Variants in TSFM observed in about 807,000 individuals in gnomAD.
TSFM encodes the protein elongation factor Ts, mitochondrial.
A neutral mutation model predicts 33.4 loss-of-function variants in TSFM; 29 were observed. The observed-to-expected ratio is 0.87, with a 90% confidence interval of 0.65 to 1.18. TSFM has a LOEUF of 1.18. Ranked by LOEUF, TSFM falls within the 50% of genes most tolerant of loss-of-function variation. The probability of loss-of-function intolerance (pLI) is 0.00; values close to 1 mark genes in which losing one functional copy is unlikely to be tolerated. For synonymous variants in TSFM, 178 were observed against 163.5 expected (o/e 1.09, Z -0.68); for missense variants, 394 against 395.6 (o/e 1.00, Z 0.04).
At chr12:57,787,207 A>T in intron 4 of TSFM, 45 bp downstream of exon 4, 1 of 1,533,050 alleles carries the variant, frequency 6.5e-7, no homozygotes, top group Non-Finnish European at 8.8e-7. Context: ...TGCTGTCCTC[A>T]TTGGGTCTTT....
intron 2 of TSFM, among the ~76,000 whole-genome samples, chr12:57,785,076 G>A (rs956033584): frequency 8.6e-5 from 13 of 151,084 alleles, no homozygotes; most frequent in Admixed American, 5.3e-4. Flanking sequence ...ACAGGCGCCC[G>A]CCACCACGCC....
At chr12:57,783,015 C>T in intron 1 of TSFM, 95 bp from the exon 2 acceptor site, 2 of 1,509,906 alleles carry the variant, frequency 1.3e-6, no homozygotes, top group Non-Finnish European at 1.8e-6. Context: ...CCTTTGCACA[C>T]TGTCCGCTCC....
At chr12:57,792,424 G>A (rs1003462934) in intron 4 of TSFM, among the ~76,000 whole-genome samples, 3 of 152,150 alleles carry the variant, frequency 2.0e-5, no homozygotes, top group African/African-American at 4.8e-5. Context: ...TGATTTCTAG[G>A]AAATTACATT....
chr12:57,791,300 G>A (rs11172341), intron 4 of TSFM, among the ~76,000 whole-genome samples: 2,252 of 152,194 alleles, frequency 0.015, 57 homozygotes, highest in African/African-American at 0.051. Context: ...GTGGGCCACC[G>A]CGCCCGGCCG....
rs1187807649 is a variant in TSFM, at chr12:57,796,934, T to C, written c.*351T>C. The C allele has an allele frequency of 1.0e-6, 1 of 993,944 alleles. No homozygotes were observed. Among genetic ancestry groups the C allele is most frequent in the African/African-American group, 1.7e-5 (1 of 57,596 alleles). The allele number at this position is 993,944 out of a possible 1,614,324, so 61.6% of individuals were successfully genotyped here. ...TAGAACTCTTTTGTTCTGTTTTTGCTTTGCGACACTGTGAACCGTGCTTCT... is the reference window on the plus strand; with the variant it reads ...TAGAACTCTTTTGTTCTGTTTTTGCCTTGCGACACTGTGAACCGTGCTTCT... On this transcript the variant is annotated 3_prime_UTR_variant, in exon 6 of 6. Transcript: ENST00000652027.
At chr12:57,800,050 A>AG, downstream of TSFM, 6 of 1,235,412 alleles carry the variant, frequency 4.9e-6, no homozygotes, top group Non-Finnish European at 6.7e-6. Context: ...CTTTGATAAC[A>AG]ATGCTCCCCA....
chr12:57,783,126 G>T lies in TSFM; in HGVS notation c.74G>T (p.Arg25Leu), dbSNP rs1432500045. ...CTCATCTAGGCTGGGTCTCTTCTGCGTCAGTCGCCCCAGCCAAGGCACACA... is the reference window on the plus strand; with the variant it reads ...CTCATCTAGGCTGGGTCTCTTCTGCTTCAGTCGCCCCAGCCAAGGCACACA... ...TGSYPAGSLL[R>L]QSPQPRHTFY... Residue 25 changes from arginine (R) to leucine (L), a missense_variant, in exon 2 of 6, where the codon CGT (arginine) becomes CTT (leucine). Arg to Leu is a moderately radical substitution (Grantham distance 102, BLOSUM62 -2). Around this residue, in one of 3 missense-constraint regions of TSFM, gnomAD observed 208 missense variants for 180.4 expected, o/e 1.15. Coordinates refer to ENST00000652027, the MANE Select transcript of TSFM (RefSeq NM_005726.6). 6.2e-7 allele frequency: 1 copy of T among 1,610,714 alleles called. No homozygotes were observed.
rs1382330606 is a variant in TSFM, at chr12:57,783,296, A to T, written c.231+13A>T. ...GGACCTCAAACAGGTGTGTGTGTGG[A>T]GGGGTGCAGGGCGGAGTACTAGAGC... is the stretch of plus-strand genomic sequence containing the variant. On this transcript the variant is annotated intron_variant, in intron 2 of 5. Transcript: ENST00000652027. 1 of 1,613,190 alleles carries T rather than the reference A, an allele frequency of 6.2e-7. No individual in the cohort carries two copies. Among genetic ancestry groups the T allele is most frequent in the Non-Finnish European group, 8.5e-7 (1 of 1,179,828 alleles).
rs772810012 is a variant in TSFM, at chr12:57,796,202, T to TA, written c.600dup (p.Arg201ThrfsTer41). 8 of 1,583,466 alleles carry TA rather than the reference T, an allele frequency of 5.1e-6. No homozygotes were observed. The highest frequency in any genetic ancestry group is 1.4e-5 in the African/African-American group (1 of 73,484). On this transcript the variant is annotated frameshift_variant, in exon 6 of 6. Transcript: ENST00000652027. LOFTEE classifies it high-confidence loss of function. ...GAAAACTGGGAGAAAACATGATTCT[T>TA]AAACGAGCTGCATGGGTGAAGGTGC...
chr12:57,788,748 C>T (rs1014588267), intron 4 of TSFM, among the ~76,000 whole-genome samples: 9 of 152,274 alleles, frequency 5.9e-5, no homozygotes, highest in African/African-American at 2.2e-4. Flanking sequence ...GATCTTCCCA[C>T]CTCAGACTCC....
Position 57,786,271 on chromosome 12 carries a change from A to G in TSFM, c.340A>G (p.Asn114Asp), listed in dbSNP as rs1267278017. Residue 114 changes from asparagine to aspartate, a missense_variant, in exon 3 of 6, where the codon AAC becomes GAC. This residue lies in a region of TSFM where 208 missense variants were observed against 180.4 expected (regional missense o/e 1.15). Coordinates refer to ENST00000652027, the MANE Select transcript of TSFM (RefSeq NM_005726.6). ...EGLIGLLQEG[N>D]TTVLVEVNCE... is the part of the protein sequence containing the mutation. ...CCTGATTGGGCTGTTGCAGGAAGGAAACACAACTGTATTAGTAGAGGTGAG... is the reference window on the plus strand; with the variant it reads ...CCTGATTGGGCTGTTGCAGGAAGGAGACACAACTGTATTAGTAGAGGTGAG... 3 of 1,612,172 alleles carry G rather than the reference A, an allele frequency of 1.9e-6. No individual in the cohort carries two copies. The highest frequency in any genetic ancestry group is 1.3e-5 in the African/African-American group (1 of 74,934).
downstream of TSFM, chr12:57,799,865 T>C (rs1482519668): frequency 6.2e-7 from 1 of 1,613,966 alleles, no homozygotes; most frequent in East Asian, 2.2e-5. Context: ...TGCTATAGGG[T>C]AATATTTTGG....
At position 57,796,379 on chromosome 12, in the gene TSFM, G is replaced by C. The variant is rs1955739271; in HGVS notation, c.774G>C (p.Gln258His). 6.9e-6 allele frequency: 11 copies of C among 1,602,636 alleles called. No individual in the cohort carries two copies. Among genetic ancestry groups the C allele is most frequent in the Non-Finnish European group, 6.8e-6 (8 of 1,174,440 alleles). Reference sequence around the variant, plus strand: ...AAGACGTTGGCCGCCGCCTTGGGCAGCATGTGGTGGGCATGGCCCCCCTCT... The same window carrying C: ...AAGACGTTGGCCGCCGCCTTGGGCACCATGTGGTGGGCATGGCCCCCCTCT... Reference protein sequence around the residue: ...NLEDVGRRLGQHVVGMAPLSV... With the variant: ...NLEDVGRRLGHHVVGMAPLSV... The change falls in exon 6 of 6, where the codon CAG (glutamine) becomes CAC (histidine). Residue 258 changes from glutamine (Q) to histidine (H), a missense_variant. Around this residue, in one of 3 missense-constraint regions of TSFM, gnomAD observed 186 missense variants for 198.8 expected, o/e 0.94. Coordinates refer to ENST00000652027, the MANE Select transcript of TSFM (RefSeq NM_005726.6).
At chr12:57,802,772 T>C, downstream of TSFM, 1 of 588,550 alleles carries the variant, frequency 1.7e-6, no homozygotes, top group Middle Eastern at 2.8e-4. Flanking sequence ...AAACCCCCCA[T>C]ATCCAATGAG....
intron 5 of TSFM, among the ~76,000 whole-genome samples, chr12:57,795,099 A>T (rs550426179): frequency 6.4e-4 from 91 of 141,556 alleles, no homozygotes; most frequent in South Asian, 8.8e-4. Context: ...GTATATATAT[A>T]TATAAATTTT....
intron 5 of TSFM, among the ~76,000 whole-genome samples, chr12:57,794,083 C>T (rs747747676): frequency 5.9e-5 from 9 of 152,116 alleles, no homozygotes; most frequent in Non-Finnish European, 1.2e-4. Context: ...GCATCAGTTC[C>T]GTTTTTATCA....
chr12:57,787,124 T>C lies in TSFM; in HGVS notation c.445T>C (p.Cys149Arg). 2 of 1,602,290 alleles carry C rather than the reference T, an allele frequency of 1.2e-6. No individual in the cohort carries two copies. Among genetic ancestry groups the C allele is most frequent in the Non-Finnish European group, 1.7e-6 (2 of 1,173,530 alleles). The change falls in exon 4 of 6, where the codon TGT becomes CGT. Residue 149 changes from cysteine (C) to arginine (R), a missense_variant. Around this residue, in one of 3 missense-constraint regions of TSFM, gnomAD observed 208 missense variants for 180.4 expected, o/e 1.15. Transcript: ENST00000652027. The part of the protein sequence containing the change: ...QQVALGTMMH[C>R]QTLKDQPSAY... ...AGTAGCCCTTGGAACCATGATGCAT[T>C]GTCAGACCCTAAAGGATCAACCCTC...
downstream of TSFM, chr12:57,800,200 G>T (rs946211059): frequency 5.9e-5 from 18 of 304,684 alleles, no homozygotes; most frequent in Admixed American, 1.3e-4. Flanking sequence ...GATCTCATTT[G>T]AATATTGGGA....
chr12:57,792,982 T>C lies in TSFM; in HGVS notation c.484-4T>C, dbSNP rs763860813. On this transcript the variant is annotated splice_polypyrimidine_tract_variant and splice_region_variant and intron_variant, in intron 4 of 5. Coordinates refer to ENST00000652027, the MANE Select transcript of TSFM (RefSeq NM_005726.6). ...GTTCATGTTTGTTTTCTTCGTGCAC[T>C]TAGGGTTTCTTGAATTCCTCTGAGC... 10 of 1,613,332 alleles carry C rather than the reference T, an allele frequency of 6.2e-6. No individual in the cohort carries two copies. Among genetic ancestry groups the C allele is most frequent in the Non-Finnish European group, 8.5e-7 (1 of 1,179,458 alleles).
Sources: allele counts gnomAD v4.1 joint callset (sites outside exome capture counted in the v4.1 genomes callset), GRCh38; gene constraint gnomAD v4.1.1; regional missense constraint gnomAD v4.1.1; transcripts MANE v1.5; gene names NCBI Gene and HGNC (gene_info 2026-07-23, HGNC 2026-07-21).